ANO1: variants seen among roughly 807,000 people sequenced by gnomAD.
ANO1 encodes anoctamin-1.
In ANO1, 59 loss-of-function variants were observed where a neutral mutation model predicts 124.0. That is an observed-to-expected ratio of 0.48 (90% CI 0.39 to 0.59). The LOEUF is 0.59. Among genes scored for constraint, ANO1 ranks in the 20% least tolerant of loss-of-function variants. ANO1 has a pLI of 0.00. For synonymous variants in ANO1, 529 were observed against 532.0 expected (o/e 0.99, Z 0.08); for missense variants, 1,059 against 1,328.0 (o/e 0.80, Z 3.15).
intron 24 of ANO1, among the ~76,000 whole-genome samples, chr11:70,183,980 G>A (rs999995935): frequency 6.6e-6 from 1 of 152,230 alleles, no homozygotes; most frequent in African/African-American, 2.4e-5. Context: ...CACACAGCAA[G>A]GTGGTAGTCG....
chr11:70,138,497 AGTCC>A (rs1440519691), intron 11 of ANO1, among the ~76,000 whole-genome samples: 2 of 148,234 alleles, frequency 1.3e-5, no homozygotes, highest in Non-Finnish European at 3.0e-5. Context: ...AAAGAGTGAA[AGTCC>A]GTCTCAAAAA....
chr11:69,994,830 A>AAT (rs1554998115), intron 1 of ANO1, among the ~76,000 whole-genome samples: 1 of 152,176 alleles, frequency 6.6e-6, no homozygotes, highest in East Asian at 1.9e-4. Context: ...TGCTTTTCAC[A>AAT]ATCTCTTCCC....
At chr11:69,967,345 C>T in the ANO1 span, among the ~76,000 whole-genome samples, 39 of 152,354 alleles carry the variant, frequency 2.6e-4, no homozygotes, top group African/African-American at 8.9e-4. Context: ...CGGTATCGCA[C>T]GTTAGCTAGC....
chr11:70,063,011 C>T (rs1201965411), intron 1 of ANO1, among the ~76,000 whole-genome samples: 1 of 152,096 alleles, frequency 6.6e-6, no homozygotes, highest in Non-Finnish European at 1.5e-5. Context: ...CTCACTGCAA[C>T]CTCTGCCTCC....
upstream of ANO1, among the ~76,000 whole-genome samples, chr11:69,985,015 G>T (rs901479967): frequency 6.6e-6 from 1 of 152,128 alleles, no homozygotes; most frequent in East Asian, 1.9e-4. Flanking sequence ...AGTTCCCCAC[G>T]CCCGCCCTCC....
intron 1 of ANO1, among the ~76,000 whole-genome samples, chr11:70,055,168 T>G (rs11231949): frequency 0.4 from 60,284 of 151,878 alleles, 12,552 homozygotes; most frequent in South Asian, 0.58. Context: ...CTTAACATGG[T>G]CTATTGTGGT....
At chr11:69,983,338 C>T (rs782262730), upstream of ANO1, among the ~76,000 whole-genome samples, 2 of 152,194 alleles carry the variant, frequency 1.3e-5, no homozygotes, top group East Asian at 1.9e-4. Flanking sequence ...CCTCCCTCGC[C>T]GCCTCGCCAA....
intron 1 of ANO1, among the ~76,000 whole-genome samples, chr11:69,987,039 T>A (rs1195527707): frequency 6.6e-6 from 1 of 152,166 alleles, no homozygotes; most frequent in Non-Finnish European, 1.5e-5. Flanking sequence ...TCCCCCGACT[T>A]TTCTTCTTTT....
chr11:70,044,061 A>T (rs186591688), intron 1 of ANO1, among the ~76,000 whole-genome samples: 82 of 152,196 alleles, frequency 5.4e-4, no homozygotes, highest in African/African-American at 1.9e-3. Flanking sequence ...GAAGGAGAGA[A>T]ATGGAAGTAT....
chr11:70,035,324 G>A (rs1010782965), intron 1 of ANO1, among the ~76,000 whole-genome samples: 33 of 152,274 alleles, frequency 2.2e-4, no homozygotes, highest in Admixed American at 2.0e-3. Context: ...AGCGTGTGGA[G>A]AGAAAAGGAA....
chr11:70,165,467 C>A lies in ANO1; in HGVS notation c.1951-3C>A. ...CGTGGCTGATGCTGCTCTCTGTCCA[C>A]AGTGTGCGCCAGGGGGCTGCCTGAT... On this transcript the variant is annotated splice_region_variant and splice_polypyrimidine_tract_variant and intron_variant, in intron 19 of 25. Transcript: ENST00000355303. The A allele has an allele frequency of 6.2e-7, 1 of 1,606,308 alleles. No homozygotes were observed.
intron 1 of ANO1, among the ~76,000 whole-genome samples, chr11:70,019,197 T>A (rs965823741): frequency 1.3e-5 from 2 of 151,360 alleles, no homozygotes; most frequent in African/African-American, 2.4e-5. Context: ...AATAGTGTGC[T>A]GTTCTCCTGC....
intron 1 of ANO1, among the ~76,000 whole-genome samples, chr11:70,059,803 A>G (rs1210302659): frequency 2.6e-5 from 4 of 152,208 alleles, no homozygotes; most frequent in African/African-American, 4.8e-5. Flanking sequence ...TGAATTTTCC[A>G]TGATCGAAGG....
intron 2 of ANO1, among the ~76,000 whole-genome samples, chr11:70,099,058 G>C (rs1207031182): frequency 6.6e-6 from 1 of 152,142 alleles, no homozygotes; most frequent in Non-Finnish European, 1.5e-5. Context: ...TCCCCTTGCA[G>C]AGCCCCATGG....
chr11:70,145,943 C>CAAAAAAAA (rs10589426), intron 11 of ANO1, among the ~76,000 whole-genome samples: 181 of 108,162 alleles, frequency 1.7e-3, no homozygotes, highest in East Asian at 2.2e-3. Flanking sequence ...TCTCAAAAAA[C>CAAAAAAAA]AAAAAAAAAA....
intron 12 of ANO1, 165 bp downstream of exon 12, chr11:70,149,957 A>G (rs527728679): frequency 1.4e-6 from 1 of 733,978 alleles, no homozygotes; most frequent in East Asian, 2.7e-5. Flanking sequence ...TCGCCACTCA[A>G]CACCCTGGCG....
intron 22 of ANO1, 80 bp from the exon 23 acceptor site, chr11:70,179,924 A>G (rs2048868792): frequency 7.5e-7 from 1 of 1,334,796 alleles, no homozygotes; most frequent in Non-Finnish European, 1.1e-6. Context: ...CAAGGGTGGT[A>G]CCCGCTCAGA....
chr11:70,006,546 C>G (rs1215252112), intron 1 of ANO1, among the ~76,000 whole-genome samples: 10 of 124,562 alleles, frequency 8.0e-5, no homozygotes, highest in Non-Finnish European at 1.6e-4. Context: ...CTCTTTCTTT[C>G]TTCCTTTCTT....
intron 1 of ANO1, among the ~76,000 whole-genome samples, chr11:70,039,188 C>G (rs371152888): frequency 2.0e-4 from 31 of 152,268 alleles, no homozygotes; most frequent in African/African-American, 7.2e-4. Context: ...CAAAGGAGAT[C>G]AGAGTGATCG....
Sources: gnomAD v4.1 joint callset for allele counts (sites outside exome capture counted in the v4.1 genomes callset) on GRCh38, gnomAD v4.1.1 for gene constraint, MANE v1.5 for transcripts, NCBI Gene and HGNC (gene_info 2026-07-23, HGNC 2026-07-21) for gene names.